Variants in CUL5 observed in about 807,000 individuals in gnomAD.
CUL5 encodes the protein cullin-5.
CUL5 carries 26 observed loss-of-function variants against 108.8 expected under a neutral mutation model. That is an observed-to-expected ratio of 0.24 (90% CI 0.18 to 0.33). The LOEUF is 0.33. CUL5 is among the 10% of genes least tolerant of loss of function. The probability of loss-of-function intolerance (pLI) is 1.00; values close to 1 mark genes in which losing one functional copy is unlikely to be tolerated. For synonymous variants in CUL5, 334 were observed against 298.0 expected (o/e 1.12, Z -1.25); for missense variants, 524 against 909.2 (o/e 0.58, Z 5.45).
intron 13 of CUL5, among the ~76,000 whole-genome samples, chr11:108,093,559 A>C (rs1454623278): frequency 6.6e-6 from 1 of 152,076 alleles, no homozygotes; most frequent in Non-Finnish European, 1.5e-5. Context: ...TATCTTTGCC[A>C]ATTATCTTGT....
At chr11:108,049,330 T>C (rs924031219) in intron 3 of CUL5, among the ~76,000 whole-genome samples, 2 of 152,088 alleles carry the variant, frequency 1.3e-5, no homozygotes, top group East Asian at 1.9e-4. Context: ...GGTTTTTTGG[T>C]TTCTTTTTTC....
rs1027674407 is a variant in CUL5, at chr11:108,060,751, C to T, written c.780+5796C>T. On this transcript the variant is annotated intron_variant, in intron 7 of 18. Coordinates refer to ENST00000393094, the MANE Select transcript of CUL5 (RefSeq NM_003478.6). ...ACTCGGGAGGCTGAGGCAGGAGAATCGCTTGAACCCGGGAGGCGGAGGTTG... is the reference window on the plus strand; with the variant it reads ...ACTCGGGAGGCTGAGGCAGGAGAATTGCTTGAACCCGGGAGGCGGAGGTTG... 4.6e-5 allele frequency among the ~76,000 whole-genome samples: 7 copies of T among 151,956 alleles called. No homozygotes were observed. In the East Asian group the frequency reaches 9.7e-4, roughly 21 times the overall value.
intron 12 of CUL5, 67 bp from the exon 13 acceptor site, chr11:108,089,425 G>A: frequency 8.2e-7 from 1 of 1,219,190 alleles, no homozygotes; most frequent in South Asian, 1.5e-5. Flanking sequence ...GGTGGATATA[G>A]AAAGGTCTAA....
At chr11:108,040,493 T>G (rs1010923963) in intron 2 of CUL5, among the ~76,000 whole-genome samples, 5 of 151,654 alleles carry the variant, frequency 3.3e-5, no homozygotes, top group Admixed American at 1.3e-4. Context: ...GCACCTGTAA[T>G]CCCAGCTACT....
chr11:108,078,126 CTG>C (rs1863986682), intron 10 of CUL5, 48 bp from the exon 11 acceptor site: 5 of 1,049,298 alleles, frequency 4.8e-6, no homozygotes, highest in Middle Eastern at 2.9e-4. Flanking sequence ...AAAAATTTAT[CTG>C]TATATTTTCA....
At chr11:108,021,893 C>T (rs1423388652) in intron 1 of CUL5, among the ~76,000 whole-genome samples, 1 of 152,154 alleles carries the variant, frequency 6.6e-6, no homozygotes, top group East Asian at 1.9e-4. Context: ...TAGCTCACTG[C>T]AGCCTCGAAC....
chr11:108,061,295 A>G (rs959445809), intron 7 of CUL5, among the ~76,000 whole-genome samples: 2 of 152,248 alleles, frequency 1.3e-5, no homozygotes, highest in Admixed American at 6.5e-5. Context: ...CAAAAGAGGA[A>G]TAACATGATC....
At chr11:108,043,987 C>T (rs1298862425) in intron 2 of CUL5, among the ~76,000 whole-genome samples, 1 of 152,138 alleles carries the variant, frequency 6.6e-6, no homozygotes, top group Non-Finnish European at 1.5e-5. Context: ...GGCGCCATTG[C>T]ACTTCAGCCT....
At chr11:108,073,348 C>T (rs754971644) in intron 9 of CUL5, 42 bp from the exon 10 acceptor site, 5 of 882,258 alleles carry the variant, frequency 5.7e-6, no homozygotes, top group Admixed American at 2.6e-5. Context: ...TTGTGTTATT[C>T]TTTTTCTTTT....
intron 7 of CUL5, among the ~76,000 whole-genome samples, chr11:108,058,410 G>A (rs903559932): frequency 2.0e-5 from 3 of 150,902 alleles, no homozygotes; most frequent in Admixed American, 6.6e-5. Context: ...CACCACACCC[G>A]GCTAATTTTT....
At chr11:108,021,125 A>G (rs936855170) in intron 1 of CUL5, among the ~76,000 whole-genome samples, 1 of 152,226 alleles carries the variant, frequency 6.6e-6, no homozygotes, top group African/African-American at 2.4e-5. Flanking sequence ...TATAGTAAGT[A>G]GTCTCTACCA....
rs538238301 is a variant in CUL5 at position 108,039,205 on chromosome 11, A to G, written c.134+5294A>G. On this transcript the variant is annotated intron_variant, in intron 2 of 18. Coordinates refer to ENST00000393094, the MANE Select transcript of CUL5 (RefSeq NM_003478.6). The stretch of plus-strand genomic sequence containing the variant: ...CTGGCTAATTTTTTGTATTTAGTAG[A>G]GATGGGGTTTCTTCATGTTGATCAG... Among the ~76,000 whole-genome samples, 53 of 152,150 alleles carry G rather than the reference A, an allele frequency of 3.5e-4. 1 individual carries two copies. Among genetic ancestry groups the G allele is most frequent in the Admixed American group, 3.1e-3 (47 of 15,270 alleles).
chr11:108,031,475 G>GT (rs1862582802), intron 1 of CUL5, among the ~76,000 whole-genome samples: 1 of 152,026 alleles, frequency 6.6e-6, no homozygotes, highest in Non-Finnish European at 1.5e-5. Flanking sequence ...TTTGCATATG[G>GT]TATAAGAAAG....
intron 17 of CUL5, 52 bp downstream of exon 17, chr11:108,097,806 C>A: frequency 9.6e-7 from 1 of 1,041,950 alleles, no homozygotes; most frequent in Non-Finnish European, 1.5e-6. Context: ...AATTTTAGCA[C>A]TTTGTTTTTT....
intron 2 of CUL5, among the ~76,000 whole-genome samples, chr11:108,035,752 C>G (rs79931724): frequency 1.6e-5 from 2 of 125,062 alleles, no homozygotes; most frequent in Admixed American, 8.1e-5. Context: ...GACCTTGTCT[C>G]AAAAAAAAAA....
chr11:108,039,865 ATTAATT>A (rs1225252710), intron 2 of CUL5, among the ~76,000 whole-genome samples: 4 of 151,960 alleles, frequency 2.6e-5, no homozygotes, highest in African/African-American at 9.7e-5. Context: ...CTTTGTTTTT[ATTAATT>A]TTAAAGTTTA....
At chr11:108,062,306 A>C (rs1863557717) in intron 7 of CUL5, among the ~76,000 whole-genome samples, 1 of 152,080 alleles carries the variant, frequency 6.6e-6, no homozygotes, top group African/African-American at 2.4e-5. Context: ...TAGATAGCTG[A>C]GGTAAAAGTC....
At chr11:108,102,364 T>C (rs1370738486) in intron 18 of CUL5, among the ~76,000 whole-genome samples, 1 of 152,156 alleles carries the variant, frequency 6.6e-6, no homozygotes, top group Non-Finnish European at 1.5e-5. Context: ...TCTCACTCTG[T>C]CACCCAGGCT....
At chr11:108,074,401 G>T (rs1218255452) in intron 10 of CUL5, among the ~76,000 whole-genome samples, 2 of 151,434 alleles carry the variant, frequency 1.3e-5, no homozygotes, top group Non-Finnish European at 2.9e-5. Context: ...CACTGTGTTG[G>T]CCAGGCTGGT....
Sources: gnomAD v4.1 joint callset for allele counts (sites outside exome capture counted in the v4.1 genomes callset) on GRCh38, gnomAD v4.1.1 for gene constraint, MANE v1.5 for transcripts, NCBI Gene and HGNC (gene_info 2026-07-23, HGNC 2026-07-21) for gene names.